The following DNM2 variants were observed in gnomAD, a reference collection of about 807,000 sequenced individuals.
DNM2 encodes dynamin-2.
Under a neutral mutation model 99.0 loss-of-function variants are expected in DNM2, and 15 were observed. The observed-to-expected ratio is 0.15, with a 90% confidence interval of 0.10 to 0.23. The LOEUF (loss-of-function observed/expected upper bound fraction) is 0.23. DNM2 is among the 10% of genes least tolerant of loss of function. DNM2 has a pLI of 1.00. For synonymous variants in DNM2, 525 were observed against 481.2 expected (o/e 1.09, Z -1.19); for missense variants, 742 against 1,189.4 (o/e 0.62, Z 5.53).
At chr19:10,784,819 A>AGATTT (rs2071499896) in intron 6 of DNM2, among the ~76,000 whole-genome samples, 1 of 99,464 alleles carries the variant, frequency 1.0e-5, no homozygotes, top group East Asian at 2.9e-4. Flanking sequence ...TTTTTTGATG[A>AGATTT]TTTTTTTTTT....
chr19:10,753,629 C>T (rs889989220), intron 1 of DNM2, among the ~76,000 whole-genome samples: 4 of 151,592 alleles, frequency 2.6e-5, no homozygotes, highest in African/African-American at 4.9e-5. Context: ...TATAAATACA[C>T]GTATTTTATT....
chr19:10,772,592 C>G lies in DNM2; in HGVS notation c.349C>G (p.Pro117Ala), dbSNP rs756586030. 1 of 1,614,176 alleles carries G rather than the reference C, an allele frequency of 6.2e-7. No homozygotes were observed. The highest frequency in any genetic ancestry group is 8.5e-7 in the Non-Finnish European group (1 of 1,180,020). Residue 117 changes from proline to alanine, a missense_variant, in exon 3 of 21, where the codon CCA (proline) becomes GCA (alanine). Pro to Ala is a conservative substitution (Grantham distance 27). Around this residue, in one of 7 missense-constraint regions of DNM2, gnomAD observed 192 missense variants for 358.9 expected, o/e 0.54. Coordinates refer to ENST00000389253, the MANE Select transcript of DNM2 (RefSeq NM_001005361.3). The surrounding 1 kb of genome is among the most constrained non-coding windows in gnomAD (Gnocchi z 4.9). Reference sequence around the variant, plus strand: ...CACGGGGACCAACAAAGGCATCTCCCCAGTGCCCATCAACCTTCGAGTCTA... The same window carrying G: ...CACGGGGACCAACAAAGGCATCTCCGCAGTGCCCATCAACCTTCGAGTCTA... ...RVTGTNKGIS[P>A]VPINLRVYSP...
rs146130967 is a variant in DNM2, at chr19:10,767,594, G to A, written c.236-4885G>A. 5.4e-3 allele frequency among the ~76,000 whole-genome samples: 825 copies of A among 152,322 alleles called. 4 individuals are homozygous for A. Among genetic ancestry groups the A allele is most frequent in the Middle Eastern group, 0.017 (5 of 294 alleles). On this transcript the variant is annotated intron_variant, in intron 2 of 20. Coordinates refer to ENST00000389253, the MANE Select transcript of DNM2 (RefSeq NM_001005361.3). ...GTTACAGGCATGGGCCACTGCTCTC[G>A]GCCTGGTGGAAGCTTTTAAACCTCT...
rs202127272 is a variant in DNM2, at chr19:10,782,010, A to G, written c.689-950A>G. ...TGATAGTGGATTTTAGCTCTTCCCTATTGCTCTTGTTTTTAAGATGTTATT... is the reference window on the plus strand; with the variant it reads ...TGATAGTGGATTTTAGCTCTTCCCTGTTGCTCTTGTTTTTAAGATGTTATT... On this transcript the variant is annotated intron_variant, in intron 5 of 20. Coordinates refer to ENST00000389253, the MANE Select transcript of DNM2 (RefSeq NM_001005361.3). Among the ~76,000 whole-genome samples, 5 of 151,094 alleles carry G rather than the reference A, an allele frequency of 3.3e-5. No homozygotes were observed. In the East Asian group the frequency reaches 5.8e-4, roughly 18 times the overall value.
intron 18 of DNM2, among the ~76,000 whole-genome samples, chr19:10,828,351 G>A (rs538061553): frequency 1.9e-3 from 282 of 152,214 alleles, no homozygotes; most frequent in Non-Finnish European, 3.4e-3. Flanking sequence ...ACTTTGGGAG[G>A]CTGAGGCAGG....
At chr19:10,742,456 C>T (rs1490356211) in intron 1 of DNM2, among the ~76,000 whole-genome samples, 1 of 152,116 alleles carries the variant, frequency 6.6e-6, no homozygotes, top group African/African-American at 2.4e-5. Flanking sequence ...TGCTGACAAC[C>T]CCATAGTGTA....
intron 1 of DNM2, among the ~76,000 whole-genome samples, chr19:10,739,041 G>A (rs1209151255): frequency 6.6e-6 from 1 of 151,868 alleles, no homozygotes; most frequent in Non-Finnish European, 1.5e-5. Context: ...GGTAGCGGGC[G>A]CCTGTACTGT....
At position 10,775,018 on chromosome 19, in the gene DNM2, A is replaced by G. The variant is rs1449296788; in HGVS notation, c.386-685A>G. ...ACTCCTGAGCTCAAGTGATCTACCC[A>G]TCATGGCCTCCCAAAGTGCTGGGAT... On this transcript the variant is annotated intron_variant, in intron 3 of 20. Coordinates refer to ENST00000389253, the MANE Select transcript of DNM2 (RefSeq NM_001005361.3). This position sits in a 1 kb window ranked among gnomAD's most constrained non-coding sequence, Gnocchi z 4.3. Among the ~76,000 whole-genome samples the G allele has an allele frequency of 2.7e-5, 4 of 150,898 alleles. No homozygotes were observed. Among genetic ancestry groups the G allele is most frequent in the Admixed American group, 6.6e-5 (1 of 15,156 alleles).
At chr19:10,781,018 T>TA (rs5827115) in intron 5 of DNM2, among the ~76,000 whole-genome samples, 11,406 of 114,334 alleles carry the variant, frequency 0.1, 720 homozygotes, top group East Asian at 0.39. Flanking sequence ...ACTCTGTCTT[T>TA]AAAAAAAAAA....
At chr19:10,761,150 G>A (rs2070617738) in intron 2 of DNM2, among the ~76,000 whole-genome samples, 1 of 151,824 alleles carries the variant, frequency 6.6e-6, no homozygotes, top group East Asian at 1.9e-4. Flanking sequence ...CACCATGTCT[G>A]GCTAATTTTT....
rs556353773 is a variant in DNM2 at position 10,721,919 on chromosome 19, G to A, written c.161+3516G>A. Among the ~76,000 whole-genome samples the A allele has an allele frequency of 3.3e-4, 50 of 152,270 alleles. 1 individual carries two copies. The highest frequency in any genetic ancestry group is 4.3e-4 in the Non-Finnish European group (29 of 68,016). ...TGGCTCTAAGACACTCAGATCTATA[G>A]AGTTCTGAGTTGTCATGCAAAGGCT... is the stretch of plus-strand genomic sequence containing the variant. On this transcript the variant is annotated intron_variant, in intron 1 of 20. Transcript: ENST00000389253.
chr19:10,783,674 AT>A (rs2071451646), intron 6 of DNM2, among the ~76,000 whole-genome samples: 1 of 144,212 alleles, frequency 6.9e-6, no homozygotes, highest in Non-Finnish European at 1.5e-5. Flanking sequence ...ACTCTTTTTT[AT>A]TTATTATTAT....
intron 1 of DNM2, among the ~76,000 whole-genome samples, chr19:10,750,359 G>C (rs1361404624): frequency 1.3e-5 from 2 of 152,156 alleles, no homozygotes; most frequent in East Asian, 1.9e-4. Context: ...TGTGCCTGCA[G>C]TCCCAGTTAC....
At position 10,829,233 on chromosome 19, in the gene DNM2, CGAT is replaced by C. The variant is rs2073251069; in HGVS notation, c.2259_2261del (p.Asp754del). 1 of 1,613,804 alleles carries C rather than the reference CGAT, an allele frequency of 6.2e-7. No homozygotes were observed. Among genetic ancestry groups the C allele is most frequent in the African/African-American group, 1.3e-5 (1 of 74,924 alleles). On this transcript the variant is annotated inframe_deletion, in exon 19 of 21. Transcript: ENST00000389253. ...TGTCCACGCCTGTACCCCCGCCTGT[CGAT>C]GACACCTGGCTCCAGAGCGCCAGCA...
chr19:10,808,643 C>T lies in DNM2; in HGVS notation c.1557+63C>T, dbSNP rs114229076. 1,203 of 1,556,620 alleles carry T rather than the reference C, an allele frequency of 7.7e-4. 11 individuals are homozygous for T. In the African/African-American group the frequency reaches 0.014, roughly 19 times the overall value. Reference sequence around the variant, plus strand: ...ATCTAGTGGTGATGGAGACCCCGCCCACCCCTAATATTCCCTGTTCCCCAT... The same window carrying T: ...ATCTAGTGGTGATGGAGACCCCGCCTACCCCTAATATTCCCTGTTCCCCAT... On this transcript the variant is annotated intron_variant, in intron 14 of 20. Coordinates refer to ENST00000389253, the MANE Select transcript of DNM2 (RefSeq NM_001005361.3).
chr19:10,780,867 A>T (rs532503662), intron 5 of DNM2, among the ~76,000 whole-genome samples: 4 of 152,046 alleles, frequency 2.6e-5, no homozygotes, highest in Non-Finnish European at 4.4e-5. Flanking sequence ...CTAAAAATAG[A>T]ATTAGCTGGG....
At chr19:10,733,578 C>T (rs2069414814) in intron 1 of DNM2, among the ~76,000 whole-genome samples, 1 of 152,174 alleles carries the variant, frequency 6.6e-6, no homozygotes, top group Non-Finnish European at 1.5e-5. Context: ...CCTGTACATC[C>T]TTCACCAGTG....
At chr19:10,801,516 C>T (rs528637990) in intron 11 of DNM2, among the ~76,000 whole-genome samples, 70 of 149,230 alleles carry the variant, frequency 4.7e-4, no homozygotes, top group South Asian at 4.2e-4. Context: ...CATCTTGGGA[C>T]GCTGAGGCAG....
intron 1 of DNM2, among the ~76,000 whole-genome samples, chr19:10,733,538 A>G (rs2069413144): frequency 6.6e-6 from 1 of 152,180 alleles, no homozygotes; most frequent in African/African-American, 2.4e-5. Context: ...CTTCAAATTT[A>G]CAGAAAGTAC....
Sources: allele counts gnomAD v4.1 joint callset (sites outside exome capture counted in the v4.1 genomes callset), GRCh38; gene constraint gnomAD v4.1.1; regional missense constraint gnomAD v4.1.1; non-coding constraint Gnocchi (gnomAD v3.1); transcripts MANE v1.5; gene names NCBI Gene and HGNC (gene_info 2026-07-23, HGNC 2026-07-21).